Variants in MGA observed in about 807,000 individuals in gnomAD.
MGA encodes MAX gene-associated protein.
MGA carries 40 observed loss-of-function variants against 261.1 expected under a neutral mutation model. The ratio of observed to expected loss-of-function variants is 0.15; its 90% CI spans 0.12 to 0.20. The LOEUF (loss-of-function observed/expected upper bound fraction) is 0.20, where lower values mean the gene tolerates loss of function less well. MGA is among the 10% of genes least tolerant of loss of function. The pLI is 1.00. For missense variants in MGA, 3,397 were observed against 3,630.5 expected (o/e 0.94, Z 1.65); for synonymous variants, 1,302 against 1,290.6 (o/e 1.01, Z -0.19).
chr15:41,734,972 A>T (rs745734861), intron 12 of MGA, among the ~76,000 whole-genome samples: 7 of 152,072 alleles, frequency 4.6e-5, no homozygotes, highest in Non-Finnish European at 1.0e-4. Context: ...AAGGAATATT[A>T]CTGTGATTTA....
intron 1 of MGA, among the ~76,000 whole-genome samples, chr15:41,636,583 G>T (rs1392065590): frequency 6.7e-6 from 1 of 149,848 alleles, no homozygotes; most frequent in African/African-American, 2.5e-5. Context: ...CTTATTTTTT[G>T]TGTGTGTTTT....
At chr15:41,635,910 C>A (rs2056694146) in intron 1 of MGA, among the ~76,000 whole-genome samples, 1 of 152,016 alleles carries the variant, frequency 6.6e-6, no homozygotes, top group African/African-American at 2.4e-5. Context: ...GTAAACAAAC[C>A]TGTGCTGCCA....
chr15:41,766,097 C>G lies in MGA; in HGVS notation c.8015C>G (p.Pro2672Arg). 1 of 1,613,890 alleles carries G rather than the reference C, an allele frequency of 6.2e-7. No individual in the cohort carries two copies. The highest frequency in any genetic ancestry group is 1.3e-5 in the African/African-American group (1 of 74,998). Reference sequence around the variant, plus strand: ...GTAGATATGGGTGGCAGCAAATATCCTCATGAAGTTCCTGATAGCAAGCCA... The same window carrying G: ...GTAGATATGGGTGGCAGCAAATATCGTCATGAAGTTCCTGATAGCAAGCCA... The change falls in exon 24 of 24, where the codon CCT becomes CGT. Residue 2672 changes from proline to arginine, a missense_variant. This residue lies in a region of MGA where 647 missense variants were observed against 642.4 expected (regional missense o/e 1.01). Coordinates refer to ENST00000219905, the MANE Select transcript of MGA (RefSeq NM_001164273.2).
intron 2 of MGA, chr15:41,684,474 A>G: frequency 4.8e-6 from 2 of 420,326 alleles, no homozygotes; most frequent in African/African-American, 2.1e-5. Flanking sequence ...TTTTTTCCCC[A>G]AGGCAAGATT....
intron 1 of MGA, among the ~76,000 whole-genome samples, chr15:41,646,248 A>G (rs2056930474): frequency 6.6e-6 from 1 of 152,322 alleles, no homozygotes; most frequent in Admixed American, 6.5e-5. Context: ...TCAGAAGCTT[A>G]CTTTCGTTGC....
chr15:41,710,417 G>A (rs1242255460), intron 7 of MGA, among the ~76,000 whole-genome samples: 1 of 152,034 alleles, frequency 6.6e-6, no homozygotes, highest in Non-Finnish European at 1.5e-5. Context: ...TGTTTATTAA[G>A]TATTTATTTT....
rs145220138 is a variant in MGA, at chr15:41,683,918, T to A, written c.1065-12157T>A. Among the ~76,000 whole-genome samples, 188 of 151,988 alleles carry A rather than the reference T, an allele frequency of 1.2e-3. 1 individual carries two copies. Among genetic ancestry groups the A allele is most frequent in the African/African-American group, 4.0e-3 (164 of 41,458 alleles). On this transcript the variant is annotated intron_variant, in intron 2 of 23. Coordinates refer to ENST00000219905, the MANE Select transcript of MGA (RefSeq NM_001164273.2). ...TTGTTTTTTTTCCCTTTCCTTTTTT[T>A]AAAAAAAATTATTTTTATTTTATTT...
Position 41,638,060 on chromosome 15 carries a change from T to TG in MGA, c.-68+16765dup, listed in dbSNP as rs1195141088. On this transcript the variant is annotated intron_variant, in intron 1 of 8. Transcript: ENST00000566718. ...TTTTTTTTTTTTTTTTTTTTTTTTT[T>TG]GGGACACAGTCTTGCTCTGTCGCCC... Among the ~76,000 whole-genome samples the TG allele has an allele frequency of 3.9e-3, 388 of 98,980 alleles. 5 individuals are homozygous for TG. The highest frequency in any genetic ancestry group is 0.013 in the African/African-American group (367 of 28,566). 64.9% of individuals were successfully genotyped at this position (98,980 alleles called of 152,430 possible).
chr15:41,639,016 T>C (rs2056769111), intron 1 of MGA, among the ~76,000 whole-genome samples: 1 of 152,022 alleles, frequency 6.6e-6, no homozygotes, highest in Non-Finnish European at 1.5e-5. Flanking sequence ...TGACCTTTTT[T>C]TGATGGGGGT....
chr15:41,638,441 C>T (rs1178304943), intron 1 of MGA, among the ~76,000 whole-genome samples: 2 of 151,752 alleles, frequency 1.3e-5, no homozygotes, highest in African/African-American at 4.8e-5. Flanking sequence ...TCATATCTCA[C>T]TGCAGCCTCT....
chr15:41,763,358 C>T (rs1322812569), intron 22 of MGA, among the ~76,000 whole-genome samples: 2 of 151,646 alleles, frequency 1.3e-5, no homozygotes, highest in Non-Finnish European at 2.9e-5. Context: ...ACCTCGGCCT[C>T]CCAAAGTGCT....
At chr15:41,694,309 G>A (rs926106937) in intron 2 of MGA, among the ~76,000 whole-genome samples, 1 of 151,730 alleles carries the variant, frequency 6.6e-6, no homozygotes, top group Admixed American at 6.6e-5. Context: ...ACAGCTGTTC[G>A]GGAGGCCAAG....
At position 41,736,524 on chromosome 15, in the gene MGA, A is replaced by G. The variant is rs745913118; in HGVS notation, c.4260A>G (p.Pro1420=). The stretch of plus-strand genomic sequence containing the variant: ...CTGGATCAGAGACTCCTGATGGTCC[A>G]TTGTCCCCTGGGAAAATGGAGGATA... Residue 1420 remains proline, a synonymous_variant, in exon 13 of 24, where the codon CCA becomes CCG. Coordinates refer to ENST00000219905, the MANE Select transcript of MGA (RefSeq NM_001164273.2). 7 of 1,614,042 alleles carry G rather than the reference A, an allele frequency of 4.3e-6. No individual in the cohort carries two copies. In the South Asian group the frequency reaches 4.4e-5, roughly 10 times the overall value.
chr15:41,766,253 A>G lies in MGA; in HGVS notation c.8171A>G (p.Asp2724Gly), dbSNP rs199717298. 1.9e-6 allele frequency: 3 copies of G among 1,613,896 alleles called. No homozygotes were observed. Among genetic ancestry groups the G allele is most frequent in the African/African-American group, 1.3e-5 (1 of 74,938 alleles). The change falls in exon 24 of 24, where the codon GAT becomes GGT. Residue 2724 changes from aspartate to glycine, a missense_variant. Coordinates refer to ENST00000219905, the MANE Select transcript of MGA (RefSeq NM_001164273.2). ...ACGCAGGTTTTTCTGGCAAACAAAG[A>G]TTCTGGTTATCCACAAATAGTTGAC...
At chr15:41,680,860 A>G (rs1220395578) in intron 2 of MGA, among the ~76,000 whole-genome samples, 1 of 152,146 alleles carries the variant, frequency 6.6e-6, no homozygotes, top group Non-Finnish European at 1.5e-5. Flanking sequence ...ATTGAACTTA[A>G]TCTTCAGTTC....
At position 41,747,624 on chromosome 15, in the gene MGA, A is replaced by T. The variant is rs1415945519; in HGVS notation, c.5213-1013A>T. Among the ~76,000 whole-genome samples the T allele has an allele frequency of 2.0e-5, 3 of 151,292 alleles. No homozygotes were observed. The East Asian group carries it at 5.8e-4, about 29-fold the overall frequency. On this transcript the variant is annotated intron_variant, in intron 15 of 23. Transcript: ENST00000219905. ...AGCTACTTGGGAGGCTGAGCCTGGG[A>T]GTTCGAGGTGGCAGTGAGCTGTGAT... is the stretch of plus-strand genomic sequence containing the variant.
Position 41,738,411 on chromosome 15 carries a change from T to C in MGA, c.4435-1642T>C, listed in dbSNP as rs548734785. On this transcript the variant is annotated intron_variant, in intron 13 of 23. Transcript: ENST00000219905. ...CTCCATCTCAAAAGAGAAAATAATA[T>C]TAATATGATTGATCTACTTAATTAA... 2.6e-4 allele frequency among the ~76,000 whole-genome samples: 39 copies of C among 152,244 alleles called. No individual in the cohort carries two copies. The South Asian group carries it at 5.4e-3, about 21-fold the overall frequency.
In MGA at chr15:41,750,354, T is replaced by A. The variant is rs1352442003; in HGVS notation, c.6747T>A (p.Asn2249Lys). ...GTGATTCTTGGAGTAGGATTTCTAA[T>A]CCTTCAGCCTTCTCCATTGTTCCTA... The change falls in exon 17 of 24, where the codon AAT becomes AAA. Residue 2249 changes from asparagine (N) to lysine (K), a missense_variant. By Grantham distance (94) the Asn-to-Lys change is moderately conservative. Around this residue, in one of 9 missense-constraint regions of MGA, gnomAD observed 1,410 missense variants for 1,386.4 expected, o/e 1.02. Transcript: ENST00000219905. 3.1e-6 allele frequency: 5 copies of A among 1,614,004 alleles called. No homozygotes were observed. Among genetic ancestry groups the A allele is most frequent in the Non-Finnish European group, 4.2e-6 (5 of 1,179,888 alleles).
intron 1 of MGA, among the ~76,000 whole-genome samples, chr15:41,647,303 C>T (rs920393475): frequency 2.6e-5 from 4 of 152,206 alleles, no homozygotes; most frequent in Non-Finnish European, 2.9e-5. Flanking sequence ...AATAATTGCA[C>T]TTACATTTAT....
Sources: allele counts gnomAD v4.1 joint callset (sites outside exome capture counted in the v4.1 genomes callset), GRCh38; gene constraint gnomAD v4.1.1; regional missense constraint gnomAD v4.1.1; transcripts MANE v1.5; gene names NCBI Gene and HGNC (gene_info 2026-07-23, HGNC 2026-07-21).